The following THEMIS variants were observed in gnomAD, a reference collection of about 807,000 sequenced individuals.
The protein encoded by THEMIS is thymocyte selection associated.
THEMIS carries 37 observed loss-of-function variants against 52.6 expected under a neutral mutation model. The ratio of observed to expected loss-of-function variants is 0.70; its 90% CI spans 0.54 to 0.93. THEMIS has a LOEUF of 0.93. Among genes scored for constraint, THEMIS ranks in the 40% least tolerant of loss-of-function variants. THEMIS has a pLI of 0.00. For missense variants in THEMIS, 808 were observed against 763.1 expected, an observed-to-expected ratio of 1.06 and a Z score of -0.69; for synonymous variants, 292 against 272.7, an observed-to-expected ratio of 1.07 and a Z score of -0.70.
chr6:127,707,085 G>A (rs760200714), downstream of THEMIS, among the ~76,000 whole-genome samples: 1 of 151,988 alleles, frequency 6.6e-6, no homozygotes, highest in African/African-American at 2.4e-5. Flanking sequence ...AAGCAAAAGT[G>A]GAAAAAGCCT....
At chr6:127,792,915 G>A (rs549969496) in intron 4 of THEMIS, among the ~76,000 whole-genome samples, 193 of 152,148 alleles carry the variant, frequency 1.3e-3, no homozygotes, top group Admixed American at 2.6e-3. Flanking sequence ...GATGTCAAAT[G>A]CTTGATTAGA....
chr6:127,700,555 C>T, the THEMIS span, among the ~76,000 whole-genome samples: 1 of 151,850 alleles, frequency 6.6e-6, no homozygotes, highest in Admixed American at 6.6e-5. Flanking sequence ...TGATTTGGGA[C>T]ATTTTAAGGA....
intron 4 of THEMIS, among the ~76,000 whole-genome samples, chr6:127,732,087 A>G (rs1451052325): frequency 6.6e-6 from 1 of 150,976 alleles, no homozygotes; most frequent in Admixed American, 6.6e-5. Context: ...AGTATACCAT[A>G]ATTTTATACA....
chr6:127,856,944 T>A (rs973567815), intron 1 of THEMIS, among the ~76,000 whole-genome samples: 2 of 151,978 alleles, frequency 1.3e-5, no homozygotes, highest in Admixed American at 1.3e-4. Flanking sequence ...CTATACTTAA[T>A]TTTTTATGAG....
At chr6:127,801,216 C>T (rs1283512457) in intron 4 of THEMIS, among the ~76,000 whole-genome samples, 1 of 152,120 alleles carries the variant, frequency 6.6e-6, no homozygotes, top group Non-Finnish European at 1.5e-5. Flanking sequence ...GAACCTTTGA[C>T]CATACGTAGA....
intron 4 of THEMIS, among the ~76,000 whole-genome samples, chr6:127,770,394 T>C (rs889960261): frequency 4.6e-5 from 7 of 152,232 alleles, no homozygotes; most frequent in Admixed American, 3.9e-4. Context: ...CATTTTTTCA[T>C]GTGTCTTTTG....
chr6:127,717,146 T>C (rs1031310333), intron 5 of THEMIS, among the ~76,000 whole-genome samples: 2 of 151,926 alleles, frequency 1.3e-5, no homozygotes, highest in African/African-American at 2.4e-5. Flanking sequence ...CCTGACTTCA[T>C]TGTAGCTTAT....
At chr6:127,902,266 A>G (rs945807680), upstream of THEMIS, among the ~76,000 whole-genome samples, 1 of 148,086 alleles carries the variant, frequency 6.8e-6, no homozygotes, top group African/African-American at 2.5e-5. Context: ...TTGAGGCTAC[A>G]GTGAGTTGTG....
chr6:127,905,836 AAATT>A (rs569414211), upstream of THEMIS, among the ~76,000 whole-genome samples: 59 of 151,774 alleles, frequency 3.9e-4, 2 homozygotes, highest in East Asian at 8.9e-3. Context: ...ATGAATGATA[AAATT>A]AATTAATCCA....
At chr6:127,852,134 C>A (rs144765634) in intron 2 of THEMIS, among the ~76,000 whole-genome samples, 1 of 151,440 alleles carries the variant, frequency 6.6e-6, no homozygotes, top group Non-Finnish European at 1.5e-5. Flanking sequence ...ACAAAAATTG[C>A]TACTAGAGTC....
At chr6:127,854,344 A>G (rs1046339359) in intron 2 of THEMIS, among the ~76,000 whole-genome samples, 1 of 151,824 alleles carries the variant, frequency 6.6e-6, no homozygotes, top group African/African-American at 2.4e-5. Context: ...CACAAAACCT[A>G]AAAGATTTAC....
chr6:127,754,761 TG>T (rs1775763869), intron 4 of THEMIS, among the ~76,000 whole-genome samples: 2 of 152,146 alleles, frequency 1.3e-5, no homozygotes, highest in African/African-American at 4.8e-5. Flanking sequence ...CAATGCATTC[TG>T]GGTATCAGGC....
In THEMIS at chr6:127,813,257, A is replaced by G; in HGVS notation, c.1384T>C (p.Ser462Pro). ...QFRLPFNVKV[S>P]VRDLSIEEDV... ...TCTTCAATGGAAAGATCCCTGACAGACACCTTCACATTGAAGGGCAAACGG... is the reference window on the plus strand; with the variant it reads ...TCTTCAATGGAAAGATCCCTGACAGGCACCTTCACATTGAAGGGCAAACGG... Residue 462 changes from serine to proline, a missense_variant, in exon 4 of 6, where the codon TCT (serine) becomes CCT (proline). Ser to Pro is a moderately conservative substitution (Grantham distance 74, BLOSUM62 -1). Coordinates refer to ENST00000368248, the MANE Select transcript of THEMIS (RefSeq NM_001010923.3). 1 of 1,614,112 alleles carries G rather than the reference A, an allele frequency of 6.2e-7. No homozygotes were observed. Among genetic ancestry groups the G allele is most frequent in the South Asian group, 1.1e-5 (1 of 91,082 alleles).
chr6:127,711,048 T>C (rs1773963598), intron 5 of THEMIS, among the ~76,000 whole-genome samples: 1 of 146,288 alleles, frequency 6.8e-6, no homozygotes, highest in Non-Finnish European at 1.5e-5. Context: ...CCTCTCCCAC[T>C]TTCCCTCACT....
chr6:127,882,294 C>T (rs1486864050), intron 1 of THEMIS, among the ~76,000 whole-genome samples: 1 of 151,622 alleles, frequency 6.6e-6, no homozygotes, highest in African/African-American at 2.4e-5. Flanking sequence ...TTATTTTGCC[C>T]AACTGTAGGC....
the THEMIS span, among the ~76,000 whole-genome samples, chr6:127,700,375 C>CAA: frequency 4.8e-5 from 7 of 145,888 alleles, no homozygotes; most frequent in African/African-American, 1.8e-4. Flanking sequence ...TGCACAAAAA[C>CAA]AAAAAAAAAA....
chr6:127,740,574 A>G (rs903479393), intron 4 of THEMIS, among the ~76,000 whole-genome samples: 3 of 152,220 alleles, frequency 2.0e-5, no homozygotes, highest in South Asian at 2.1e-4. Context: ...GTGACCATAT[A>G]TAAGTCCAGG....
At chr6:127,876,384 G>A (rs1780314280) in intron 1 of THEMIS, among the ~76,000 whole-genome samples, 1 of 152,148 alleles carries the variant, frequency 6.6e-6, no homozygotes, top group Non-Finnish European at 1.5e-5. Flanking sequence ...AAATAGGGAA[G>A]GAAGCAAAGA....
At chr6:127,886,051 C>G (rs1375503499) in intron 1 of THEMIS, among the ~76,000 whole-genome samples, 1 of 152,170 alleles carries the variant, frequency 6.6e-6, no homozygotes, top group Non-Finnish European at 1.5e-5. Flanking sequence ...CACTCTCCCC[C>G]TCCTTCCAGG....
Sources: allele counts gnomAD v4.1 joint callset (sites outside exome capture counted in the v4.1 genomes callset), GRCh38; gene constraint gnomAD v4.1.1; transcripts MANE v1.5; gene names NCBI Gene and HGNC (gene_info 2026-07-23, HGNC 2026-07-21).